The following CCDC126 variants were observed in gnomAD, a reference collection of about 807,000 sequenced individuals.
The protein encoded by CCDC126 is coiled-coil domain-containing protein 126.
Under a neutral mutation model 11.7 loss-of-function variants are expected in CCDC126, and 5 were observed. That is an observed-to-expected ratio of 0.43 (90% CI 0.22 to 0.90). The LOEUF (loss-of-function observed/expected upper bound fraction) is 0.90. Among genes scored for constraint, CCDC126 ranks in the 40% least tolerant of loss-of-function variants. The pLI is 0.27. For missense variants in CCDC126, 150 were observed against 163.1 expected, an observed-to-expected ratio of 0.92 and a Z score of 0.44; for synonymous variants, 60 against 61.9, an observed-to-expected ratio of 0.97 and a Z score of 0.14.
intron 2 of CCDC126, among the ~76,000 whole-genome samples, chr7:23,607,939 C>T (rs192787523): frequency 6.6e-6 from 1 of 152,274 alleles, no homozygotes; most frequent in African/African-American, 2.4e-5. Flanking sequence ...AGCATAGCCT[C>T]CGTCCAGAAG....
intron 3 of CCDC126, among the ~76,000 whole-genome samples, chr7:23,636,806 C>G (rs1225733876): frequency 1.5e-5 from 2 of 129,542 alleles, no homozygotes. Flanking sequence ...CCAGCCGCCC[C>G]GTCCGGGAGG....
intron 3 of CCDC126, among the ~76,000 whole-genome samples, chr7:23,615,816 T>C (rs984448946): frequency 1.3e-5 from 2 of 152,204 alleles, no homozygotes; most frequent in Non-Finnish European, 2.9e-5. Context: ...CTTATATAGA[T>C]AGAATTCAAG....
chr7:23,611,298 T>C lies in CCDC126; in HGVS notation c.-18T>C. 1 of 1,512,826 alleles carries C rather than the reference T, an allele frequency of 6.6e-7. No individual in the cohort carries two copies. The highest frequency in any genetic ancestry group is 1.1e-5 in the South Asian group (1 of 88,510). 93.7% of individuals were successfully genotyped at this position (1,512,826 alleles called of 1,614,324 possible). A position where few individuals can be genotyped will look rare whatever the true frequency, so the allele number is the denominator to read the frequency against. ...GTTACCATTTTTCAGTCAAGTCTGT[T>C]TGTTTGCTTCTTCAGAAATGTTTTT... On this transcript the variant is annotated 5_prime_UTR_variant, in exon 3 of 4. Coordinates refer to ENST00000307471, the MANE Select transcript of CCDC126 (RefSeq NM_138771.4).
intron 2 of CCDC126, among the ~76,000 whole-genome samples, chr7:23,604,952 T>G (rs1016144217): frequency 3.4e-5 from 5 of 149,124 alleles, no homozygotes; most frequent in African/African-American, 1.2e-4. Context: ...GAGCCGAGAT[T>G]GAGCCACTGC....
At chr7:23,617,555 A>G (rs1482477412) in intron 3 of CCDC126, among the ~76,000 whole-genome samples, 2 of 152,056 alleles carry the variant, frequency 1.3e-5, no homozygotes, top group African/African-American at 4.8e-5. Context: ...TATTCACTAT[A>G]GGATGATCTG....
At chr7:23,619,491 CT>C in intron 3 of CCDC126, 1 of 373,478 alleles carries the variant, frequency 2.7e-6, no homozygotes, top group South Asian at 2.5e-5. Flanking sequence ...AACACCCTTC[CT>C]GCCTATTTTT....
chr7:23,610,771 C>T (rs548847021), intron 2 of CCDC126, among the ~76,000 whole-genome samples: 1 of 151,670 alleles, frequency 6.6e-6, no homozygotes, highest in African/African-American at 2.4e-5. Flanking sequence ...TTCCTTCTTC[C>T]TAACTTTCAT....
At chr7:23,636,513 G>A (rs1274315539) in intron 3 of CCDC126, among the ~76,000 whole-genome samples, 2 of 136,998 alleles carry the variant, frequency 1.5e-5, no homozygotes, top group Non-Finnish European at 3.1e-5. Context: ...CTGCCCCGCC[G>A]CCCTGTCTGG....
intron 2 of CCDC126, among the ~76,000 whole-genome samples, chr7:23,600,310 T>G (rs1782515175): frequency 6.6e-6 from 1 of 151,428 alleles, no homozygotes; most frequent in African/African-American, 2.4e-5. Context: ...GTGTAGCTTC[T>G]CTCAAGGCAG....
intron 3 of CCDC126, among the ~76,000 whole-genome samples, chr7:23,640,880 A>C (rs181042579): frequency 1.3e-5 from 2 of 151,004 alleles, no homozygotes; most frequent in Non-Finnish European, 3.0e-5. Context: ...CATTTTGTTT[A>C]TCTGTTTATC....
At chr7:23,603,290 A>T (rs572274935) in intron 2 of CCDC126, among the ~76,000 whole-genome samples, 2 of 152,246 alleles carry the variant, frequency 1.3e-5, no homozygotes, top group Non-Finnish European at 2.9e-5. Context: ...TTATGTGAAT[A>T]CAGTTTACTT....
chr7:23,636,775 G>T (rs1783230044), intron 3 of CCDC126, among the ~76,000 whole-genome samples: 2 of 143,622 alleles, frequency 1.4e-5, no homozygotes, highest in Admixed American at 6.7e-5. Context: ...GAGGTGGGGG[G>T]GGGGTCAGCC....
intron 3 of CCDC126, among the ~76,000 whole-genome samples, chr7:23,641,008 T>C (rs73287847): frequency 4.1e-5 from 6 of 146,804 alleles, no homozygotes; most frequent in African/African-American, 1.6e-4. Context: ...TTTTTTTTTT[T>C]TTTTTTTGGT....
At chr7:23,603,535 T>G (rs1441763325) in intron 2 of CCDC126, among the ~76,000 whole-genome samples, 1 of 152,252 alleles carries the variant, frequency 6.6e-6, no homozygotes, top group Non-Finnish European at 1.5e-5. Flanking sequence ...ACCTGTATTC[T>G]GGACCAGTAG....
chr7:23,632,168 A>C (rs1783127440), intron 3 of CCDC126, among the ~76,000 whole-genome samples: 1 of 147,368 alleles, frequency 6.8e-6, no homozygotes. Context: ...ATCTCAGCTC[A>C]CTGAAACCTC....
intron 3 of CCDC126, among the ~76,000 whole-genome samples, chr7:23,621,252 C>A (rs1442255279): frequency 6.6e-6 from 1 of 152,154 alleles, no homozygotes; most frequent in Non-Finnish European, 1.5e-5. Flanking sequence ...TCTTTTATTT[C>A]GTTGAGCAGT....
intron 3 of CCDC126, among the ~76,000 whole-genome samples, chr7:23,637,735 G>C: frequency 2.0e-5 from 1 of 51,136 alleles, no homozygotes; most frequent in East Asian, 6.8e-4. Flanking sequence ...CCGGCCAGCC[G>C]CCCCGTCCGG....
intron 2 of CCDC126, 107 bp downstream of exon 2, chr7:23,598,158 C>T (rs1413284697): frequency 1.3e-5 from 2 of 152,230 alleles, no homozygotes; most frequent in Admixed American, 1.3e-4. Context: ...CACTGCCTGC[C>T]TTGGTGATCT....
intron 3 of CCDC126, among the ~76,000 whole-genome samples, chr7:23,636,738 C>T (rs1190879958): frequency 2.0e-5 from 3 of 146,868 alleles, no homozygotes; most frequent in Admixed American, 6.7e-5. Context: ...GGAGCGTCTC[C>T]GCCCGGCAGC....
Sources: gnomAD v4.1 joint callset for allele counts (sites outside exome capture counted in the v4.1 genomes callset) on GRCh38, gnomAD v4.1.1 for gene constraint, MANE v1.5 for transcripts, NCBI Gene and HGNC (gene_info 2026-07-23, HGNC 2026-07-21) for gene names.